The following GRM3 variants were observed in gnomAD, a reference collection of about 807,000 sequenced individuals.
GRM3 encodes glutamate metabotropic receptor 3, also known as metabotropic glutamate receptor 3.
A neutral mutation model predicts 70.5 loss-of-function variants in GRM3; 26 were observed. That is an observed-to-expected ratio of 0.37 (90% CI 0.27 to 0.51). GRM3 has a LOEUF of 0.51. Ranked by LOEUF, GRM3 falls within the 20% of genes least tolerant of loss-of-function variation. GRM3 has a pLI of 0.93. For missense variants in GRM3, 859 were observed against 1,123.8 expected (o/e 0.76, Z 3.37); for synonymous variants, 443 against 434.9 (o/e 1.02, Z -0.23).
At chr7:86,809,008 A>C (rs1353093560) in intron 3 of GRM3, among the ~76,000 whole-genome samples, 2 of 152,116 alleles carry the variant, frequency 1.3e-5, no homozygotes, top group Non-Finnish European at 2.9e-5. Flanking sequence ...TCAAATAGGG[A>C]ACATTTTTAA....
At chr7:86,808,316 A>G (rs1269573341) in intron 3 of GRM3, among the ~76,000 whole-genome samples, 2 of 152,170 alleles carry the variant, frequency 1.3e-5, no homozygotes, top group Non-Finnish European at 2.9e-5. Flanking sequence ...GTTTCAGAAG[A>G]AATTGTACCA....
At chr7:86,828,111 CAAAAAAAAAAA>C (rs55645713) in intron 3 of GRM3, among the ~76,000 whole-genome samples, 8 of 68,306 alleles carry the variant, frequency 1.2e-4, no homozygotes, top group East Asian at 5.9e-4. Flanking sequence ...AACTCCGTAT[CAAAAAAAAAAA>C]AAAAAAAAAA....
chr7:86,747,486 A>G (rs1796132813), intron 1 of GRM3, among the ~76,000 whole-genome samples: 1 of 152,112 alleles, frequency 6.6e-6, no homozygotes, highest in African/African-American at 2.4e-5. Flanking sequence ...TACATAAATC[A>G]AAGCCTTTGT....
At chr7:86,704,053 T>A (rs942737821) in intron 1 of GRM3, among the ~76,000 whole-genome samples, 4 of 151,930 alleles carry the variant, frequency 2.6e-5, no homozygotes, top group Non-Finnish European at 5.9e-5. Context: ...TTACCTCAGG[T>A]GATGATTGAA....
intron 2 of GRM3, among the ~76,000 whole-genome samples, chr7:86,779,837 G>GA (rs79631494): frequency 6.6e-6 from 1 of 152,124 alleles, no homozygotes; most frequent in East Asian, 1.9e-4. Flanking sequence ...TTATTTGGAA[G>GA]AAAAAAATAT....
intron 1 of GRM3, among the ~76,000 whole-genome samples, chr7:86,682,430 T>A (rs534706602): frequency 1.3e-5 from 2 of 152,262 alleles, no homozygotes; most frequent in Non-Finnish European, 2.9e-5. Flanking sequence ...TAAAAATAAA[T>A]TACAAAGAAA....
chr7:86,832,111 G>A (rs1167613441), intron 3 of GRM3, among the ~76,000 whole-genome samples: 1 of 152,090 alleles, frequency 6.6e-6, no homozygotes, highest in Non-Finnish European at 1.5e-5. Flanking sequence ...TTTACCTCTT[G>A]ACTTCTAACA....
intron 1 of GRM3, among the ~76,000 whole-genome samples, chr7:86,646,931 G>T (rs550027760): frequency 6.6e-6 from 1 of 152,218 alleles, no homozygotes; most frequent in South Asian, 2.1e-4. Flanking sequence ...TAAATCCGAT[G>T]ATTTAACCCA....
At chr7:86,665,095 A>G (rs531849736) in intron 1 of GRM3, among the ~76,000 whole-genome samples, 33 of 152,222 alleles carry the variant, frequency 2.2e-4, no homozygotes, top group African/African-American at 7.7e-4. Flanking sequence ...TACAGTTTCT[A>G]TTAGTCAAAC....
At chr7:86,702,639 T>C (rs959476148) in intron 1 of GRM3, among the ~76,000 whole-genome samples, 2 of 152,020 alleles carry the variant, frequency 1.3e-5, no homozygotes, top group African/African-American at 4.8e-5. Flanking sequence ...TTACAAAATT[T>C]TACCTTCTTT....
In GRM3 at chr7:86,810,981, G is replaced by A. The variant is rs533544752; in HGVS notation, c.1324+23865G>A. The stretch of plus-strand genomic sequence containing the variant: ...CTAGTCAATAATGTTTCTTGACCTG[G>A]GGGACCATTTTTAATTGACACTGGC... On this transcript the variant is annotated intron_variant, in intron 3 of 5. Coordinates refer to ENST00000361669, the MANE Select transcript of GRM3 (RefSeq NM_000840.3). 4.6e-5 allele frequency among the ~76,000 whole-genome samples: 7 copies of A among 151,808 alleles called. No homozygotes were observed. In the East Asian group the frequency reaches 1.4e-3, roughly 29 times the overall value.
intron 2 of GRM3, among the ~76,000 whole-genome samples, 187 bp downstream of exon 2, chr7:86,765,800 T>C (rs1796587467): frequency 6.6e-6 from 1 of 152,154 alleles, no homozygotes; most frequent in African/African-American, 2.4e-5. Flanking sequence ...ATGAAAATTG[T>C]TTAGAAGCAT....
At chr7:86,809,169 T>C (rs527823293) in intron 3 of GRM3, among the ~76,000 whole-genome samples, 61 of 152,210 alleles carry the variant, frequency 4.0e-4, no homozygotes, top group Non-Finnish European at 7.9e-4. Context: ...CTCCAAGCCA[T>C]TCAACTAGAA....
intron 3 of GRM3, among the ~76,000 whole-genome samples, chr7:86,810,974 TGACCTGGGG>T (rs895040334): frequency 6.6e-6 from 1 of 151,954 alleles, no homozygotes; most frequent in Admixed American, 6.6e-5. Flanking sequence ...TAATGTTTCT[TGACCTGGGG>T]GACCATTTTT....
chr7:86,664,232 AT>A (rs1335878534), intron 1 of GRM3, among the ~76,000 whole-genome samples: 1 of 151,726 alleles, frequency 6.6e-6, no homozygotes, highest in African/African-American at 2.4e-5. Flanking sequence ...CAGTTATGGG[AT>A]TTTTTTTATT....
chr7:86,701,034 T>TCTA (rs1245222898), intron 1 of GRM3, among the ~76,000 whole-genome samples: 1 of 151,968 alleles, frequency 6.6e-6, no homozygotes, highest in Non-Finnish European at 1.5e-5. Context: ...TTAGCAAGGC[T>TCTA]CTACTACTGT....
At chr7:86,683,399 T>A (rs1436161670) in intron 1 of GRM3, among the ~76,000 whole-genome samples, 1 of 152,086 alleles carries the variant, frequency 6.6e-6, no homozygotes, top group African/African-American at 2.4e-5. Flanking sequence ...GATGGAGGTA[T>A]GTTGTACACA....
intron 3 of GRM3, among the ~76,000 whole-genome samples, chr7:86,812,679 A>G (rs1797935757): frequency 6.6e-6 from 1 of 151,770 alleles, no homozygotes; most frequent in South Asian, 2.1e-4. Context: ...TTTGCCGGGC[A>G]TATCAAAGGT....
intron 1 of GRM3, among the ~76,000 whole-genome samples, chr7:86,670,942 C>G (rs1562820368): frequency 6.6e-6 from 1 of 152,204 alleles, no homozygotes; most frequent in African/African-American, 2.4e-5. Context: ...TACTCTCTCC[C>G]ATCAATTCCT....
Sources: allele counts gnomAD v4.1 joint callset (sites outside exome capture counted in the v4.1 genomes callset), GRCh38; gene constraint gnomAD v4.1.1; transcripts MANE v1.5; gene names NCBI Gene and HGNC (gene_info 2026-07-23, HGNC 2026-07-21).